Variants in PKD2L1 observed in about 807,000 individuals in gnomAD.
PKD2L1 encodes the protein polycystin 2 like 1, transient receptor potential cation channel.
A neutral mutation model predicts 93.0 loss-of-function variants in PKD2L1; 77 were observed. The observed-to-expected ratio is 0.83, with a 90% CI of 0.69 to 1.00. The LOEUF (loss-of-function observed/expected upper bound fraction) is 1.00. PKD2L1 is among the 50% of genes least tolerant of loss of function. The probability of loss-of-function intolerance (pLI) is 0.00; values close to 1 mark genes in which losing one functional copy is unlikely to be tolerated. For missense variants in PKD2L1, 977 were observed against 990.9 expected (o/e 0.99, Z 0.19); for synonymous variants, 390 against 388.0 (o/e 1.01, Z -0.06).
Position 100,289,057 on chromosome 10 carries a change from C to A in PKD2L1, c.2251-1G>T, listed in dbSNP as rs764552349. ...GGTGCTTCCAAATAGCTTGTTCCTT[C>A]TGTTGGAAGAAGAAAGGGACAAATC... On this transcript the variant is annotated splice_acceptor_variant, in intron 14 of 15. Transcript: ENST00000318222. LOFTEE classifies it high-confidence loss of function. 10 of 1,608,786 alleles carry A rather than the reference C, an allele frequency of 6.2e-6. No homozygotes were observed. Among genetic ancestry groups the A allele is most frequent in the Non-Finnish European group, 8.5e-6 (10 of 1,175,920 alleles).
intron 15 of PKD2L1, among the ~76,000 whole-genome samples, 169 bp downstream of exon 15, chr10:100,288,803 C>T (rs1166971690): frequency 6.6e-6 from 1 of 152,190 alleles, no homozygotes; most frequent in Admixed American, 6.5e-5. Context: ...AAGCATGATG[C>T]CCACCACACA....
chr10:100,322,344 C>T (rs553918772), intron 2 of PKD2L1, among the ~76,000 whole-genome samples: 6 of 152,152 alleles, frequency 3.9e-5, no homozygotes, highest in East Asian at 1.9e-4. Flanking sequence ...CTGGGCAACA[C>T]GGTGAAACCC....
chr10:100,294,883 A>G, intron 8 of PKD2L1, 59 bp downstream of exon 8: 1 of 1,467,704 alleles, frequency 6.8e-7, no homozygotes, highest in Non-Finnish European at 9.4e-7. Context: ...AAGGATACAT[A>G]CACCCGTGGA....
rs556404392 is a variant in PKD2L1, at chr10:100,296,254, G to C, written c.1224C>G (p.Thr408=). 1.2e-4 allele frequency: 200 copies of C among 1,606,982 alleles called. No homozygotes were observed. The highest frequency in any genetic ancestry group is 1.6e-4 in the Non-Finnish European group (186 of 1,177,508). The part of the protein sequence containing the change: ...IVAVGFHIFR[T]LEVNRLMGKL... ...TCCCCATGAGCCGATTCACCTCGAG[G>C]GTTCGGAATATGTGGAAGCCCACAG... The change falls in exon 7 of 16, where the codon ACC becomes ACG. Residue 408 remains threonine, a synonymous_variant. Coordinates refer to ENST00000318222, the MANE Select transcript of PKD2L1 (RefSeq NM_016112.3).
chr10:100,327,578 G>A (rs772032404), intron 2 of PKD2L1, among the ~76,000 whole-genome samples: 2 of 152,214 alleles, frequency 1.3e-5, no homozygotes, highest in African/African-American at 2.4e-5. Context: ...AAAGAGAGAC[G>A]TTTAAGTCAT....
chr10:100,301,370 G>A (rs1240933422), intron 2 of PKD2L1, among the ~76,000 whole-genome samples: 2 of 152,100 alleles, frequency 1.3e-5, no homozygotes, highest in South Asian at 2.1e-4. Context: ...AGGAAGCCTG[G>A]GGGCACTGCA....
At position 100,294,680 on chromosome 10, in the gene PKD2L1, C is replaced by T. The variant is rs1589661566; in HGVS notation, c.1539-25G>A. 2.5e-6 allele frequency: 4 copies of T among 1,613,854 alleles called. No individual in the cohort carries two copies. In the East Asian group the frequency reaches 8.9e-5, roughly 36 times the overall value. On this transcript the variant is annotated intron_variant, in intron 8 of 15. Coordinates refer to ENST00000318222, the MANE Select transcript of PKD2L1 (RefSeq NM_016112.3). ...ACTGAGAGACCAGGTCTGGGCTTTACCCAGAGCCTAACAAACACCCCCCAT... is the reference window on the plus strand; with the variant it reads ...ACTGAGAGACCAGGTCTGGGCTTTATCCAGAGCCTAACAAACACCCCCCAT...
At chr10:100,293,140 A>T in intron 10 of PKD2L1, 71 bp from the exon 11 acceptor site, 1 of 1,591,034 alleles carries the variant, frequency 6.3e-7, no homozygotes, top group Non-Finnish European at 8.6e-7. Flanking sequence ...AGCCCCACCC[A>T]TAGTATGCCA....
intron 8 of PKD2L1, 29 bp from the exon 9 acceptor site, chr10:100,294,684 G>C (rs1848482710): frequency 6.2e-7 from 1 of 1,613,772 alleles, no homozygotes; most frequent in African/African-American, 1.3e-5. Flanking sequence ...GCTTTACCCA[G>C]AGCCTAACAA....
intron 2 of PKD2L1, among the ~76,000 whole-genome samples, chr10:100,305,554 CA>C (rs1848780100): frequency 6.6e-6 from 1 of 152,140 alleles, no homozygotes. Context: ...CCAAAGAGAA[CA>C]ATACATTCAT....
In PKD2L1 at chr10:100,315,826, G is replaced by T. The variant is rs544240090; in HGVS notation, c.349+13385C>A. Among the ~76,000 whole-genome samples, 9 of 152,272 alleles carry T rather than the reference G, an allele frequency of 5.9e-5. No individual in the cohort carries two copies. The East Asian group carries it at 1.7e-3, about 29-fold the overall frequency. On this transcript the variant is annotated intron_variant, in intron 2 of 15. Transcript: ENST00000318222. ...GCTGGCGCTACCTCCTCCATCCCCT[G>T]CCTCCTCCAGGCTGACAGCCAGCAC...
intron 2 of PKD2L1, 123 bp downstream of exon 2, chr10:100,329,088 T>C (rs984649796): frequency 9.8e-6 from 8 of 818,436 alleles, no homozygotes; most frequent in African/African-American, 3.4e-5. Context: ...AGTTCCCGGA[T>C]ATAGCCTGCT....
rs1182301874 is a variant in PKD2L1 at position 100,297,139 on chromosome 10, G to A, written c.1026C>T (p.Ile342=). The change falls in exon 6 of 16, where the codon ATC becomes ATT. Residue 342 remains isoleucine, a synonymous_variant. Coordinates refer to ENST00000318222, the MANE Select transcript of PKD2L1 (RefSeq NM_016112.3). ...PSWQIRTVKL[I]RYVSNWDFFI... ...AGAAGTCCCAGTTGCTGACATAGCG[G>A]ATCAGCTTGACTGTGCGGATTTGCC... The A allele has an allele frequency of 6.2e-7, 1 of 1,614,162 alleles. No homozygotes were observed. The highest frequency in any genetic ancestry group is 2.2e-5 in the East Asian group (1 of 44,874).
chr10:100,311,642 G>A (rs1325588359), intron 2 of PKD2L1, among the ~76,000 whole-genome samples: 1 of 152,126 alleles, frequency 6.6e-6, no homozygotes, highest in Non-Finnish European at 1.5e-5. Context: ...TGCCATATAG[G>A]CCATCGTATG....
At position 100,301,045 on chromosome 10, in the gene PKD2L1, G is replaced by A. The variant is rs185518147; in HGVS notation, c.350-1327C>T. On this transcript the variant is annotated intron_variant, in intron 2 of 15. Coordinates refer to ENST00000318222, the MANE Select transcript of PKD2L1 (RefSeq NM_016112.3). ...AGAGAAATTTTAAAGTTGGGTGTCC[G>A]GCGGAGACGTCACATGTCGGCAGGT... Among the ~76,000 whole-genome samples, 223 of 152,242 alleles carry A rather than the reference G, an allele frequency of 1.5e-3. 1 individual carries two copies. Among genetic ancestry groups the A allele is most frequent in the Middle Eastern group, 3.4e-3 (1 of 294 alleles).
At position 100,293,041 on chromosome 10, in the gene PKD2L1, C is replaced by G; in HGVS notation, c.1787G>C (p.Arg596Pro). The stretch of plus-strand genomic sequence containing the variant: ...ATCCGAAACCCTCTCCTTCCTCAGA[C>G]GCAGTCTTAGTAGGGTCTTGTTGTA... ...QGYNKTLLRL[R>P]LRKERVSDVQ... Residue 596 changes from arginine (R) to proline (P), a missense_variant, in exon 11 of 16, where the codon CGT becomes CCT. Arg to Pro is a moderately radical substitution (Grantham distance 103). Coordinates refer to ENST00000318222, the MANE Select transcript of PKD2L1 (RefSeq NM_016112.3). 1 of 1,614,130 alleles carries G rather than the reference C, an allele frequency of 6.2e-7. No individual in the cohort carries two copies. Among genetic ancestry groups the G allele is most frequent in the Non-Finnish European group, 8.5e-7 (1 of 1,180,018 alleles).
intron 2 of PKD2L1, among the ~76,000 whole-genome samples, chr10:100,310,282 T>C (rs918409269): frequency 6.6e-5 from 10 of 152,288 alleles, no homozygotes; most frequent in Admixed American, 1.3e-4. Context: ...TGCACCACCA[T>C]GAGCTGTGTA....
At chr10:100,322,942 T>A (rs1849294861) in intron 2 of PKD2L1, among the ~76,000 whole-genome samples, 1 of 152,210 alleles carries the variant, frequency 6.6e-6, no homozygotes, top group South Asian at 2.1e-4. Context: ...TCTTTCTGAT[T>A]TGTAAAATGG....
intron 3 of PKD2L1, among the ~76,000 whole-genome samples, chr10:100,299,104 G>A (rs958045529): frequency 3.9e-5 from 6 of 152,098 alleles, no homozygotes; most frequent in African/African-American, 1.4e-4. Context: ...TTTCAGGCAT[G>A]CATCACTATG....
Sources: gnomAD v4.1 joint callset for allele counts (sites outside exome capture counted in the v4.1 genomes callset) on GRCh38, gnomAD v4.1.1 for gene constraint, MANE v1.5 for transcripts, NCBI Gene and HGNC (gene_info 2026-07-23, HGNC 2026-07-21) for gene names.